The following MICAL3 variants were observed in gnomAD, a reference collection of about 807,000 sequenced individuals.
The protein encoded by MICAL3 is [F-actin]-monooxygenase MICAL3.
Under a neutral mutation model 207.4 loss-of-function variants are expected in MICAL3, and 62 were observed. That is an observed-to-expected ratio of 0.30 (90% CI 0.24 to 0.37). The LOEUF (loss-of-function observed/expected upper bound fraction) is 0.37. MICAL3 is among the 10% of genes least tolerant of loss of function. MICAL3 has a pLI of 1.00. For synonymous variants in MICAL3, 1,077 were observed against 1,069.3 expected (o/e 1.01, Z -0.14); for missense variants, 2,368 against 2,635.6 (o/e 0.90, Z 2.22).
At chr22:17,969,291 G>A (rs972234411) in intron 1 of MICAL3, among the ~76,000 whole-genome samples, 6 of 152,132 alleles carry the variant, frequency 3.9e-5, no homozygotes, top group South Asian at 4.1e-4. Context: ...CACCTGCCTC[G>A]GCCTCCCAAA....
chr22:17,860,281 C>T (rs1418990744), intron 19 of MICAL3: 1 of 985,336 alleles, frequency 1.0e-6, no homozygotes. Flanking sequence ...TAAATAAAAA[C>T]TCACAAAGAA....
intron 7 of MICAL3, among the ~76,000 whole-genome samples, chr22:17,897,920 T>C (rs919363619): frequency 2.6e-5 from 4 of 152,212 alleles, no homozygotes; most frequent in African/African-American, 9.6e-5. Flanking sequence ...GCCAAGTCTT[T>C]ATTCTCTGAA....
intron 1 of MICAL3, among the ~76,000 whole-genome samples, chr22:17,971,728 A>G (rs1397455590): frequency 6.6e-6 from 1 of 152,210 alleles, no homozygotes; most frequent in Non-Finnish European, 1.5e-5. Context: ...ATACTTACAC[A>G]CTGTGAGAAA....
chr22:17,826,480 T>C (rs2146030837), intron 22 of MICAL3: 1 of 985,948 alleles, frequency 1.0e-6, no homozygotes, highest in Middle Eastern at 5.2e-4. Flanking sequence ...CAGCCAGGCC[T>C]GCACCGCCGC....
chr22:17,945,087 G>A (rs1291588575), intron 1 of MICAL3, among the ~76,000 whole-genome samples: 1 of 149,838 alleles, frequency 6.7e-6, no homozygotes, highest in African/African-American at 2.5e-5. Context: ...TAATACCTCA[G>A]GCTGGACTCA....
At chr22:17,884,337 T>G in intron 16 of MICAL3, 1 of 1,593,748 alleles carries the variant, frequency 6.3e-7, no homozygotes, top group Non-Finnish European at 8.5e-7. Context: ...GACGGCTGGC[T>G]GGCCCCACGC....
At chr22:17,962,668 G>A (rs1934963507) in intron 1 of MICAL3, among the ~76,000 whole-genome samples, 1 of 123,424 alleles carries the variant, frequency 8.1e-6, no homozygotes, top group East Asian at 2.0e-4. Flanking sequence ...AACTATGGCA[G>A]GTGTAGTTTT....
intron 19 of MICAL3, among the ~76,000 whole-genome samples, chr22:17,853,671 T>C (rs1404401159): frequency 6.6e-6 from 1 of 152,128 alleles, no homozygotes; most frequent in Non-Finnish European, 1.5e-5. Flanking sequence ...CTCACAGAGG[T>C]TATGACAGCA....
chr22:17,901,159 C>G (rs1017400061), intron 5 of MICAL3, among the ~76,000 whole-genome samples, 162 bp from the exon 6 acceptor site: 5 of 152,162 alleles, frequency 3.3e-5, no homozygotes, highest in African/African-American at 1.2e-4. Context: ...AGGCATTTAC[C>G]TACCCAAGAA....
At chr22:17,819,745 C>T (rs1297887739) in intron 25 of MICAL3, among the ~76,000 whole-genome samples, 2 of 151,488 alleles carry the variant, frequency 1.3e-5, no homozygotes, top group Non-Finnish European at 2.9e-5. Context: ...CGAGACCATC[C>T]TGGCTAACAT....
At chr22:17,873,485 G>C (rs942035179) in intron 16 of MICAL3, among the ~76,000 whole-genome samples, 3 of 152,236 alleles carry the variant, frequency 2.0e-5, no homozygotes, top group African/African-American at 7.2e-5. Context: ...ATGTTATTGG[G>C]GGTCTGAGGG....
intron 29 of MICAL3, among the ~76,000 whole-genome samples, chr22:17,804,460 C>T (rs2061969970): frequency 6.6e-6 from 1 of 152,222 alleles, no homozygotes; most frequent in Non-Finnish European, 1.5e-5. Context: ...GCTTAGGCCT[C>T]CAAATTCAGT....
In MICAL3 at chr22:17,816,848, C is replaced by T. The variant is rs1291524634; in HGVS notation, c.5351-64G>A. ...CAGCAGGCGCAGCCCTCTCCTGCTC[C>T]TATGCTCCCATGTGCAGCCAAGGAG... On this transcript the variant is annotated intron_variant, in intron 26 of 31. Transcript: ENST00000441493. 3.3e-6 allele frequency: 4 copies of T among 1,227,150 alleles called. No individual in the cohort carries two copies. In the African/African-American group the frequency reaches 6.0e-5, roughly 18 times the overall value. 76.0% of individuals were successfully genotyped at this position (1,227,150 alleles called of 1,614,324 possible). A position where few individuals can be genotyped will look rare whatever the true frequency, so the allele number is the denominator to read the frequency against.
At chr22:17,804,736 C>G (rs189117829) in intron 29 of MICAL3, among the ~76,000 whole-genome samples, 123 of 152,312 alleles carry the variant, frequency 8.1e-4, no homozygotes, top group African/African-American at 2.6e-3. Context: ...TGGTGTTGCC[C>G]TCTCTCCAAA....
At chr22:17,968,625 G>A (rs4410378) in intron 1 of MICAL3, among the ~76,000 whole-genome samples, 31,886 of 152,000 alleles carry the variant, frequency 0.21, 3,519 homozygotes, top group Middle Eastern at 0.27. Flanking sequence ...ACTGAGAGCC[G>A]ATACTCAAAG....
intron 19 of MICAL3, chr22:17,864,330 C>T (rs1466877831): frequency 1.4e-5 from 17 of 1,187,914 alleles, no homozygotes; most frequent in African/African-American, 3.1e-5. Flanking sequence ...TGTCCCATCA[C>T]GGTGCAGGGC....
At chr22:17,806,980 C>T (rs759914621) in intron 29 of MICAL3, among the ~76,000 whole-genome samples, 25 of 152,218 alleles carry the variant, frequency 1.6e-4, no homozygotes, top group Non-Finnish European at 2.8e-4. Flanking sequence ...AGGCCACAGG[C>T]GCTCAAGTGC....
chr22:17,799,604 T>C (rs1161210461), intron 29 of MICAL3, among the ~76,000 whole-genome samples: 1 of 152,236 alleles, frequency 6.6e-6, no homozygotes, highest in Non-Finnish European at 1.5e-5. Context: ...ACCAATGCCA[T>C]GCTCCTGGCC....
At chr22:17,985,578 C>G (rs974714916) in intron 1 of MICAL3, among the ~76,000 whole-genome samples, 6 of 152,008 alleles carry the variant, frequency 3.9e-5, no homozygotes, top group Non-Finnish European at 8.8e-5. Flanking sequence ...AAGTAAATGG[C>G]GCTTGTATTC....
Sources: gnomAD v4.1 joint callset for allele counts (sites outside exome capture counted in the v4.1 genomes callset) on GRCh38, gnomAD v4.1.1 for gene constraint, MANE v1.5 for transcripts, NCBI Gene and HGNC (gene_info 2026-07-23, HGNC 2026-07-21) for gene names.